IQCM: variants seen among roughly 807,000 people sequenced by gnomAD.
The protein encoded by IQCM is IQ motif containing M, also known as IQ domain-containing protein M.
IQCM carries 45 observed loss-of-function variants against 57.6 expected under a neutral mutation model. The observed-to-expected ratio is 0.78, with a 90% CI of 0.62 to 1.00. IQCM has a LOEUF of 1.00. Among genes scored for constraint, IQCM ranks in the 50% least tolerant of loss-of-function variants. IQCM has a pLI of 0.00. For synonymous variants in IQCM, 148 were observed against 158.9 expected, an observed-to-expected ratio of 0.93 and a Z score of 0.51; for missense variants, 468 against 511.6, an observed-to-expected ratio of 0.91 and a Z score of 0.82.
At chr4:149,666,851 C>T (rs1247576336) in intron 7 of IQCM, among the ~76,000 whole-genome samples, 2 of 152,110 alleles carry the variant, frequency 1.3e-5, no homozygotes, top group African/African-American at 4.8e-5. Flanking sequence ...CACCACAAAG[C>T]CACTGTAGCC....
chr4:149,354,941 C>T (rs1238624007), intron 13 of IQCM, among the ~76,000 whole-genome samples: 1 of 152,072 alleles, frequency 6.6e-6, no homozygotes, highest in African/African-American at 2.4e-5. Context: ...TACATGGGAA[C>T]ACTCTACTTT....
chr4:149,442,138 A>G lies in IQCM; in HGVS notation c.1229-8581T>C, dbSNP rs542804623. Among the ~76,000 whole-genome samples, 5 of 152,290 alleles carry G rather than the reference A, an allele frequency of 3.3e-5. No individual in the cohort carries two copies. The East Asian group carries it at 9.7e-4, about 29-fold the overall frequency. On this transcript the variant is annotated intron_variant, in intron 12 of 13. Coordinates refer to ENST00000636793, the MANE Select transcript of IQCM (RefSeq NM_001363507.2). ...TCTAGCTGCTGCTTGATAACTAATG[A>G]GACTTGTGAGTCACACATTTATTCT... is the stretch of plus-strand genomic sequence containing the variant.
intron 12 of IQCM, among the ~76,000 whole-genome samples, chr4:149,481,701 G>GTTTTTTTTTTTTGT (rs751057249): frequency 1.9e-5 from 1 of 51,550 alleles, no homozygotes; most frequent in African/African-American, 7.6e-5. Flanking sequence ...TTCCAGTTTT[G>GTTTTTTTTTTTTGT]TTTTTTTTTT....
At chr4:149,375,926 T>G (rs1730672803) in intron 13 of IQCM, among the ~76,000 whole-genome samples, 1 of 152,142 alleles carries the variant, frequency 6.6e-6, no homozygotes, top group African/African-American at 2.4e-5. Flanking sequence ...TATTATAAAA[T>G]TTTACAAACA....
intron 8 of IQCM, among the ~76,000 whole-genome samples, chr4:149,610,962 C>A (rs577248547): frequency 1.3e-5 from 2 of 152,022 alleles, no homozygotes; most frequent in Admixed American, 1.3e-4. Context: ...CAAATTACCA[C>A]CTAACAAGTG....
chr4:149,732,973 G>C (rs1766599613), intron 5 of IQCM, among the ~76,000 whole-genome samples: 1 of 152,098 alleles, frequency 6.6e-6, no homozygotes, highest in Admixed American at 6.5e-5. Context: ...CAGTCTCTGA[G>C]GATTTTCACT....
chr4:149,712,780 T>C (rs1463018355), intron 5 of IQCM, among the ~76,000 whole-genome samples: 1 of 152,200 alleles, frequency 6.6e-6, no homozygotes, highest in Non-Finnish European at 1.5e-5. Flanking sequence ...GGAAGATTGT[T>C]CATGTCTCAG....
At chr4:149,386,909 T>C (rs1326356669) in intron 13 of IQCM, among the ~76,000 whole-genome samples, 1 of 152,080 alleles carries the variant, frequency 6.6e-6, no homozygotes, top group Non-Finnish European at 1.5e-5. Flanking sequence ...TAATATCTTT[T>C]TGTATCTCCC....
At chr4:149,780,923 G>T (rs946742109) in intron 2 of IQCM, among the ~76,000 whole-genome samples, 1 of 152,156 alleles carries the variant, frequency 6.6e-6, no homozygotes, top group Admixed American at 6.5e-5. Flanking sequence ...ATGCGAAGAT[G>T]AGTGGTTTAG....
At position 149,756,464 on chromosome 4, in the gene IQCM, C is replaced by T. The variant is rs567732848; in HGVS notation, c.-48-13725G>A. ...AACAAAACAAAGACTTTCCAAAATA[C>T]TAAGTCTAAGAAATCATACAACACA... On this transcript the variant is annotated intron_variant, in intron 2 of 13. Transcript: ENST00000636793. Among the ~76,000 whole-genome samples, 20 of 152,170 alleles carry T rather than the reference C, an allele frequency of 1.3e-4. No individual in the cohort carries two copies. In the South Asian group the frequency reaches 2.9e-3, roughly 22 times the overall value.
chr4:149,487,169 C>A (rs1021418905), intron 12 of IQCM, among the ~76,000 whole-genome samples: 1 of 152,030 alleles, frequency 6.6e-6, no homozygotes, highest in African/African-American at 2.4e-5. Flanking sequence ...AGACTGGATC[C>A]TTCCCTTCAA....
intron 12 of IQCM, among the ~76,000 whole-genome samples, chr4:149,534,294 CT>C (rs1747058035): frequency 6.6e-6 from 1 of 151,758 alleles, no homozygotes; most frequent in African/African-American, 2.4e-5. Context: ...AATTTTGTGC[CT>C]TTTTTGATTA....
chr4:149,573,189 G>T (rs768521613), intron 9 of IQCM, among the ~76,000 whole-genome samples: 2 of 150,856 alleles, frequency 1.3e-5, no homozygotes, highest in African/African-American at 2.4e-5. Flanking sequence ...AAAGAATAAG[G>T]TTATTAAATT....
At chr4:149,629,504 A>T (rs1757078100) in intron 7 of IQCM, among the ~76,000 whole-genome samples, 1 of 152,122 alleles carries the variant, frequency 6.6e-6, no homozygotes, top group Non-Finnish European at 1.5e-5. Flanking sequence ...CCCTTCAGAA[A>T]GCTCTTCCTT....
At chr4:149,674,758 G>C (rs1191540593) in intron 7 of IQCM, among the ~76,000 whole-genome samples, 3 of 152,078 alleles carry the variant, frequency 2.0e-5, no homozygotes, top group African/African-American at 4.8e-5. Flanking sequence ...ACATGAGCTG[G>C]AGTTTTGGAG....
At chr4:149,726,072 A>AAAGAAAGT (rs1269364073) in intron 5 of IQCM, among the ~76,000 whole-genome samples, 4 of 27,936 alleles carry the variant, frequency 1.4e-4, no homozygotes, top group African/African-American at 4.0e-4. Context: ...CTTCCCTCTA[A>AAAGAAAGT]AAGAAAGAAA....
intron 6 of IQCM, among the ~76,000 whole-genome samples, chr4:149,683,690 T>C (rs1762357437): frequency 6.6e-6 from 1 of 151,356 alleles, no homozygotes. Context: ...TAATATCTAG[T>C]CAATGGATAA....
At chr4:149,775,761 T>C (rs1561261627) in intron 2 of IQCM, among the ~76,000 whole-genome samples, 1 of 152,226 alleles carries the variant, frequency 6.6e-6, no homozygotes, top group Non-Finnish European at 1.5e-5. Flanking sequence ...ATAATGATGT[T>C]CACTAGAAAA....
At position 149,656,387 on chromosome 4, in the gene IQCM, T is replaced by A. The variant is rs181424688; in HGVS notation, c.565+25731A>T. On this transcript the variant is annotated intron_variant, in intron 7 of 13. Transcript: ENST00000636793. The stretch of plus-strand genomic sequence containing the variant: ...TCACACCAATAAATAAAAATATTTA[T>A]GAAAAGATACTTGATGATGACAATC... Among the ~76,000 whole-genome samples, 158 of 152,156 alleles carry A rather than the reference T, an allele frequency of 1.0e-3. 1 individual carries two copies. Among genetic ancestry groups the A allele is most frequent in the African/African-American group, 3.7e-3 (155 of 41,546 alleles).
Sources: allele counts gnomAD v4.1 joint callset (sites outside exome capture counted in the v4.1 genomes callset), GRCh38; gene constraint gnomAD v4.1.1; transcripts MANE v1.5; gene names NCBI Gene and HGNC (gene_info 2026-07-23, HGNC 2026-07-21).